HMCN1: variants seen among roughly 807,000 people sequenced by gnomAD.
The protein encoded by HMCN1 is hemicentin 1, also known as hemicentin-1.
In HMCN1, 321 loss-of-function variants were observed where a neutral mutation model predicts 625.9. The observed-to-expected ratio is 0.51, with a 90% CI of 0.47 to 0.56. The LOEUF (loss-of-function observed/expected upper bound fraction) is 0.56, where lower values mean the gene tolerates loss of function less well. Ranked by LOEUF, HMCN1 falls within the 20% of genes least tolerant of loss-of-function variation. HMCN1 has a pLI of 0.00. For missense variants in HMCN1, 6,588 were observed against 6,887.3 expected (o/e 0.96, Z 1.54); for synonymous variants, 2,425 against 2,417.6 (o/e 1.00, Z -0.09).
chr1:185,862,474 A>G (rs899714783), intron 2 of HMCN1, among the ~76,000 whole-genome samples: 2 of 152,174 alleles, frequency 1.3e-5, no homozygotes, highest in African/African-American at 4.8e-5. Context: ...ATATCTATGC[A>G]GATAGCACGG....
chr1:186,164,850 A>G (rs1474120391), intron 97 of HMCN1, among the ~76,000 whole-genome samples: 2 of 152,242 alleles, frequency 1.3e-5, no homozygotes, highest in South Asian at 2.1e-4. Context: ...TAGTTATCAC[A>G]TAATTTTTTT....
Position 186,052,950 on chromosome 1 carries a change from A to G in HMCN1, c.6578-2A>G. 1 of 1,599,934 alleles carries G rather than the reference A, an allele frequency of 6.3e-7. No individual in the cohort carries two copies. Among genetic ancestry groups the G allele is most frequent in the Non-Finnish European group, 8.6e-7 (1 of 1,167,936 alleles). ...AAAAATCATATTTTTATTTTTTTCT[A>G]GTCCCCCCAAATATTGGTGGTTCTG... On this transcript the variant is annotated splice_acceptor_variant, in intron 42 of 106. Coordinates refer to ENST00000271588, the MANE Select transcript of HMCN1 (RefSeq NM_031935.3). LOFTEE classifies it high-confidence loss of function.
chr1:185,963,942 C>T (rs1317686632), intron 13 of HMCN1, 47 bp downstream of exon 13: 3 of 1,538,500 alleles, frequency 1.9e-6, no homozygotes, highest in African/African-American at 2.7e-5. Context: ...ATGAATATCA[C>T]ATCAAGCAAT....
intron 6 of HMCN1, among the ~76,000 whole-genome samples, chr1:185,912,699 C>T (rs1235358124): frequency 6.6e-6 from 1 of 151,976 alleles, no homozygotes; most frequent in Admixed American, 6.6e-5. Context: ...GCTATTAGCA[C>T]CTGAAGGAAC....
intron 48 of HMCN1, among the ~76,000 whole-genome samples, chr1:186,063,066 G>GTATATATATATATATATATATATA (rs1491400415): frequency 3.3e-5 from 1 of 29,940 alleles, no homozygotes; most frequent in Admixed American, 3.2e-4. Context: ...GTGTGTGTGT[G>GTATATATATATATATATATATATA]CATATATATA....
chr1:186,019,647 A>G lies in HMCN1; in HGVS notation c.5577A>G (p.Thr1859=), dbSNP rs770884800. Residue 1859 remains threonine, a synonymous_variant, in exon 35 of 107, where the codon ACA becomes ACG. Transcript: ENST00000271588. ...IANGIPNPSI[T]WLKDDQPVNT... ...ATGGGATTCCAAATCCTTCCATTAC[A>G]TGGTTAAAAGATGACCAGCCTGTGA... 9 of 1,612,220 alleles carry G rather than the reference A, an allele frequency of 5.6e-6. No homozygotes were observed. Among genetic ancestry groups the G allele is most frequent in the Non-Finnish European group, 7.6e-6 (9 of 1,178,712 alleles).
chr1:186,018,464 G>A (rs770955845), intron 34 of HMCN1, 112 bp downstream of exon 34: 96 of 1,120,658 alleles, frequency 8.6e-5, no homozygotes, highest in Non-Finnish European at 1.3e-4. Flanking sequence ...GTTGTGGAAG[G>A]TAGTGTAAAG....
In HMCN1 at chr1:186,015,140, G is replaced by T; in HGVS notation, c.4631-19G>T. The T allele has an allele frequency of 6.2e-7, 1 of 1,611,204 alleles. No homozygotes were observed. ...GCTGAAACTTAGATGACTTGTTTTT[G>T]TTCTGAAATCCTTTGTAGTTCCACC... On this transcript the variant is annotated intron_variant, in intron 30 of 106. Coordinates refer to ENST00000271588, the MANE Select transcript of HMCN1 (RefSeq NM_031935.3).
intron 4 of HMCN1, among the ~76,000 whole-genome samples, chr1:185,878,232 A>T (rs754288048): frequency 1.5e-4 from 23 of 152,138 alleles, no homozygotes; most frequent in Non-Finnish European, 2.4e-4. Flanking sequence ...GATGCTTTTC[A>T]TTTTTTAATC....
chr1:185,817,385 G>A (rs1399627683), intron 1 of HMCN1, among the ~76,000 whole-genome samples: 2 of 150,010 alleles, frequency 1.3e-5, no homozygotes, highest in East Asian at 1.9e-4. Context: ...AGCAAAGACA[G>A]GGGTGGAAAC....
At chr1:185,951,696 G>A (rs191165796) in intron 11 of HMCN1, among the ~76,000 whole-genome samples, 17,001 of 150,044 alleles carry the variant, frequency 0.11, 2,195 homozygotes, top group African/African-American at 0.36. Flanking sequence ...GATGGGACGT[G>A]GCTTAGGAGG....
At chr1:186,169,886 A>G (rs1233561021) in intron 100 of HMCN1, among the ~76,000 whole-genome samples, 1 of 152,178 alleles carries the variant, frequency 6.6e-6, no homozygotes, top group Admixed American at 6.5e-5. Flanking sequence ...CAGAGTGAAC[A>G]GGCAACCTAC....
chr1:185,748,123 G>C (rs1571299311), intron 1 of HMCN1, among the ~76,000 whole-genome samples: 1 of 134,672 alleles, frequency 7.4e-6, no homozygotes, highest in Non-Finnish European at 1.5e-5. Flanking sequence ...ATTTTAAAAA[G>C]ATATTGTACT....
chr1:186,088,124 T>G (rs765920501), intron 61 of HMCN1, 21 bp from the exon 62 acceptor site: 4 of 1,602,518 alleles, frequency 2.5e-6, no homozygotes, highest in Non-Finnish European at 3.4e-6. Context: ...TTTTGTTTGT[T>G]TGTTTGTTTG....
At chr1:186,143,140 ATAAT>A (rs1473005197) in intron 89 of HMCN1, among the ~76,000 whole-genome samples, 2 of 152,240 alleles carry the variant, frequency 1.3e-5, no homozygotes, top group African/African-American at 2.4e-5. Flanking sequence ...AAGCACAAGG[ATAAT>A]TAGTCAACTC....
chr1:186,007,345 T>G, intron 30 of HMCN1, 63 bp downstream of exon 30: 6 of 1,386,874 alleles, frequency 4.3e-6, no homozygotes, highest in Non-Finnish European at 6.2e-6. Flanking sequence ...AAGCAGGGTT[T>G]ACTGGTAACT....
intron 4 of HMCN1, among the ~76,000 whole-genome samples, chr1:185,880,579 T>G (rs755776528): frequency 6.6e-6 from 1 of 152,192 alleles, no homozygotes; most frequent in Non-Finnish European, 1.5e-5. Flanking sequence ...ATCATCATGT[T>G]GTATAATAAT....
intron 9 of HMCN1, among the ~76,000 whole-genome samples, chr1:185,925,615 T>C (rs1316801555): frequency 2.0e-5 from 3 of 152,180 alleles, no homozygotes; most frequent in East Asian, 1.9e-4. Context: ...TAAAGTGTTA[T>C]GATAAGTGAA....
At position 185,990,274 on chromosome 1, in the gene HMCN1, G is replaced by A. The variant is rs541035560; in HGVS notation, c.3209-1G>A. On this transcript the variant is annotated splice_acceptor_variant, in intron 21 of 106. Coordinates refer to ENST00000271588, the MANE Select transcript of HMCN1 (RefSeq NM_031935.3). LOFTEE classifies it high-confidence loss of function. ...CCTTCCAAAACATGTGTTTATTTTA[G>A]TAAGGCCCAGAGTGTTTGGAGATCA... The A allele has an allele frequency of 6.2e-7, 1 of 1,613,582 alleles. No homozygotes were observed. Among genetic ancestry groups the A allele is most frequent in the African/African-American group, 1.3e-5 (1 of 75,004 alleles).
Sources: allele counts gnomAD v4.1 joint callset (sites outside exome capture counted in the v4.1 genomes callset), GRCh38; gene constraint gnomAD v4.1.1; transcripts MANE v1.5; gene names NCBI Gene and HGNC (gene_info 2026-07-23, HGNC 2026-07-21).